ACSM5: variants seen among roughly 807,000 people sequenced by gnomAD.
ACSM5 encodes acyl-CoA synthetase medium chain family member 5.
A neutral mutation model predicts 71.6 loss-of-function variants in ACSM5; 56 were observed. The observed-to-expected ratio is 0.78, with a 90% CI of 0.63 to 0.98. The LOEUF (loss-of-function observed/expected upper bound fraction) is 0.98, where lower values mean the gene tolerates loss of function less well. Ranked by LOEUF, ACSM5 falls within the 50% of genes least tolerant of loss-of-function variation. ACSM5 has a pLI of 0.00. For synonymous variants in ACSM5, 285 were observed against 281.5 expected (o/e 1.01, Z -0.12); for missense variants, 723 against 726.0 (o/e 1.00, Z 0.05).
In ACSM5 at chr16:20,439,788, G is replaced by A. The variant is rs376668710; in HGVS notation, c.1537-12G>A. The stretch of plus-strand genomic sequence containing the variant: ...AGGCCTGATCTTTTCTGGGTATTTT[G>A]TTTTCCTGCAGGTGGTAAAGGCATT... On this transcript the variant is annotated splice_polypyrimidine_tract_variant and intron_variant, in intron 12 of 13. Transcript: ENST00000331849. 23 of 1,608,984 alleles carry A rather than the reference G, an allele frequency of 1.4e-5. No individual in the cohort carries two copies. Among genetic ancestry groups the A allele is most frequent in the African/African-American group, 1.1e-4 (8 of 74,726 alleles).
At chr16:20,432,633 T>A (rs1438103123) in intron 10 of ACSM5, among the ~76,000 whole-genome samples, 4 of 152,094 alleles carry the variant, frequency 2.6e-5, no homozygotes, top group African/African-American at 9.7e-5. Context: ...TATTGTCGAC[T>A]TCGTGCCGCT....
At chr16:20,423,327 A>G (rs529569505) in intron 5 of ACSM5, among the ~76,000 whole-genome samples, 2 of 152,304 alleles carry the variant, frequency 1.3e-5, no homozygotes, top group Non-Finnish European at 2.9e-5. Flanking sequence ...GTTTGCAGAC[A>G]CTGTTTCCCA....
intron 6 of ACSM5, among the ~76,000 whole-genome samples, chr16:20,425,185 C>G (rs543332397): frequency 6.6e-6 from 1 of 152,312 alleles, no homozygotes; most frequent in Non-Finnish European, 1.5e-5. Context: ...CTTCTAATCT[C>G]TATTTCCATG....
chr16:20,419,779 G>GAAACA (rs879680065), intron 4 of ACSM5: 93 of 360,592 alleles, frequency 2.6e-4, no homozygotes, highest in African/African-American at 1.8e-3. Flanking sequence ...CCATGTATTG[G>GAAACA]GTACTTAGTG....
At chr16:20,410,190 G>A (rs756765166) in intron 1 of ACSM5, among the ~76,000 whole-genome samples, 2 of 152,092 alleles carry the variant, frequency 1.3e-5, no homozygotes, top group Admixed American at 6.6e-5. Flanking sequence ...AGCTGTTATG[G>A]TTTTTCTTGT....
chr16:20,426,350 C>G (rs1398825977), intron 6 of ACSM5, among the ~76,000 whole-genome samples: 2 of 152,166 alleles, frequency 1.3e-5, no homozygotes, highest in Admixed American at 6.5e-5. Flanking sequence ...AAAACACAAG[C>G]ATTTATCTCA....
rs147413471 is a variant in ACSM5, at chr16:20,439,913, C to A, written c.1650C>A (p.Pro550=). The part of the protein sequence containing the change: ...VKRVTAPYKY[P]RKVAFVSELP... ...GGGTGACTGCTCCATACAAATACCC[C>A]AGGAAGGTAAATATCAGGGTTTCCA... Residue 550 remains proline (P), a synonymous_variant, in exon 13 of 14, where the codon CCC becomes CCA. Coordinates refer to ENST00000331849, the MANE Select transcript of ACSM5 (RefSeq NM_017888.3). 4.3e-5 allele frequency: 69 copies of A among 1,612,188 alleles called. 1 individual carries two copies. Among genetic ancestry groups the A allele is most frequent in the Admixed American group, 6.7e-5 (4 of 59,952 alleles).
At position 20,439,896 on chromosome 16, in the gene ACSM5, G is replaced by A. The variant is rs1967286158; in HGVS notation, c.1633G>A (p.Ala545Thr). 2 of 1,612,392 alleles carry A rather than the reference G, an allele frequency of 1.2e-6. No homozygotes were observed. Among genetic ancestry groups the A allele is most frequent in the Non-Finnish European group, 1.7e-6 (2 of 1,178,782 alleles). The change falls in exon 13 of 14, where the codon GCT becomes ACT. Residue 545 changes from alanine to threonine, a missense_variant. Transcript: ENST00000331849. Reference protein sequence around the residue: ...ELQEHVKRVTAPYKYPRKVAF... With the variant: ...ELQEHVKRVTTPYKYPRKVAF... ...CCAGGAGCATGTGAAAAGGGTGACT[G>A]CTCCATACAAATACCCCAGGAAGGT...
At chr16:20,423,138 T>C (rs1966910712) in intron 5 of ACSM5, among the ~76,000 whole-genome samples, 1 of 152,078 alleles carries the variant, frequency 6.6e-6, no homozygotes, top group South Asian at 2.1e-4. Context: ...CAAAGTGTAA[T>C]ATAAACTGAA....
At chr16:20,427,730 C>G (rs1967011762) in intron 6 of ACSM5, 58 bp from the exon 7 acceptor site, 5 of 1,219,174 alleles carry the variant, frequency 4.1e-6, no homozygotes, top group Admixed American at 3.4e-5. Flanking sequence ...TTGGCTCCAT[C>G]TTCATGGTCC....
At chr16:20,411,975 A>G (rs1205998597) in intron 2 of ACSM5, 7 of 406,694 alleles carry the variant, frequency 1.7e-5, no homozygotes, top group African/African-American at 1.4e-4. Context: ...TTGTTCATCA[A>G]CTGAAGGAGG....
Position 20,437,507 on chromosome 16 carries a change from G to A in ACSM5, c.1536+140G>A, listed in dbSNP as rs567298728. 415 of 678,560 alleles carry A rather than the reference G, an allele frequency of 6.1e-4. 3 individuals carry two copies. The highest frequency in any genetic ancestry group is 6.1e-3 in the African/African-American group (340 of 55,598). The allele number at this position is 678,560 out of a possible 1,614,324, so 42.0% of individuals were successfully genotyped here. A position where few individuals can be genotyped will look rare whatever the true frequency, so the allele number is the denominator to read the frequency against. ...GTTGAAATGCCACCATCAGACACAC[G>A]TTGCCTTCATGTCTTTAGAGATACA... On this transcript the variant is annotated intron_variant, in intron 12 of 13. Transcript: ENST00000331849.
intron 5 of ACSM5, among the ~76,000 whole-genome samples, chr16:20,421,951 T>G (rs952917698): frequency 1.1e-4 from 17 of 152,074 alleles, no homozygotes; most frequent in Middle Eastern, 3.2e-3. Flanking sequence ...ACTGGCATCA[T>G]GCAGTCTGTC....
At chr16:20,430,147 A>G (rs1967065643) in intron 8 of ACSM5, among the ~76,000 whole-genome samples, 1 of 152,006 alleles carries the variant, frequency 6.6e-6, no homozygotes, top group Non-Finnish European at 1.5e-5. Context: ...ATTCACCACT[A>G]TAGAATTCAT....
intron 6 of ACSM5, among the ~76,000 whole-genome samples, chr16:20,424,549 C>T (rs1473220716): frequency 4.3e-5 from 6 of 139,034 alleles, no homozygotes; most frequent in Non-Finnish European, 8.9e-5. Flanking sequence ...TTCCACCCCC[C>T]ACATCCTGTC....
At chr16:20,409,869 G>C (rs1966844084) in intron 1 of ACSM5, among the ~76,000 whole-genome samples, 1 of 84,496 alleles carries the variant, frequency 1.2e-5, no homozygotes. Flanking sequence ...GTTCAGGAGA[G>C]GTGAGGGGCG....
intron 9 of ACSM5, 71 bp downstream of exon 9, chr16:20,431,144 CG>C (rs1967089436): frequency 6.3e-7 from 1 of 1,596,954 alleles, no homozygotes; most frequent in East Asian, 2.2e-5. Context: ...CTGGTTGGCA[CG>C]GGCTGCTGGG....
intron 7 of ACSM5, 120 bp downstream of exon 7, chr16:20,427,987 A>T: frequency 1.3e-6 from 1 of 790,560 alleles, no homozygotes; most frequent in Non-Finnish European, 2.1e-6. Context: ...CTCCCTCTAT[A>T]TATTTTTCTG....
chr16:20,426,940 A>G (rs947008204), intron 6 of ACSM5, among the ~76,000 whole-genome samples: 4 of 152,000 alleles, frequency 2.6e-5, no homozygotes, highest in Non-Finnish European at 5.9e-5. Flanking sequence ...TGCCACAATA[A>G]TTTTAAAGAA....
Sources: allele counts gnomAD v4.1 joint callset (sites outside exome capture counted in the v4.1 genomes callset), GRCh38; gene constraint gnomAD v4.1.1; transcripts MANE v1.5; gene names NCBI Gene and HGNC (gene_info 2026-07-23, HGNC 2026-07-21).